FDFT1: variants seen among roughly 807,000 people sequenced by gnomAD.
FDFT1 encodes farnesyl-diphosphate farnesyltransferase 1.
Under a neutral mutation model 46.8 loss-of-function variants are expected in FDFT1, and 68 were observed. That is an observed-to-expected ratio of 1.45 (90% CI 1.19 to 1.78). FDFT1 has a LOEUF of 1.78. FDFT1 is among the 40% of genes most tolerant of loss of function. FDFT1 has a pLI of 0.00. For synonymous variants in FDFT1, 351 were observed against 185.1 expected (o/e 1.90, Z -7.28); for missense variants, 928 against 524.4 (o/e 1.77, Z -7.52).
upstream of FDFT1, chr8:11,802,635 A>C (rs914558298): frequency 6.7e-6 from 4 of 592,752 alleles, no homozygotes; most frequent in African/African-American, 5.7e-5. Context: ...AGCCCACCCC[A>C]CGAGGCCGCA....
At chr8:11,808,135 C>A in intron 1 of FDFT1, 1 of 473,404 alleles carries the variant, frequency 2.1e-6, no homozygotes, top group Non-Finnish European at 2.8e-6. Context: ...ATCAATTTAG[C>A]AGGATTCTTG....
rs753067078 is a variant in FDFT1, at chr8:11,838,497, A to C, written c.1142A>C (p.His381Pro). 2.7e-5 allele frequency: 43 copies of C among 1,606,914 alleles called. No individual in the cohort carries two copies. The highest frequency in any genetic ancestry group is 8.9e-5 in the South Asian group (8 of 90,246). ...AACTGTCAGCTGATTTCCCGAAGCC[A>C]CTACTCCCCCATCTACCTGTCGTTT... ...LPNCQLISRS[H>P]YSPIYLSFVM... is the part of the protein sequence containing the mutation. The change falls in exon 8 of 8, where the codon CAC (histidine) becomes CCC (proline). Residue 381 changes from histidine to proline, a missense_variant. His to Pro is a moderately conservative substitution (Grantham distance 77). Coordinates refer to ENST00000220584, the MANE Select transcript of FDFT1 (RefSeq NM_004462.5).
At chr8:11,834,312 T>G (rs1323166815) in intron 7 of FDFT1, among the ~76,000 whole-genome samples, 1 of 152,232 alleles carries the variant, frequency 6.6e-6, no homozygotes, top group Non-Finnish European at 1.5e-5. Context: ...CCAGCCTGGA[T>G]GCTTGTCAGC....
At chr8:11,816,586 C>G (rs1808486543) in intron 3 of FDFT1, among the ~76,000 whole-genome samples, 1 of 152,080 alleles carries the variant, frequency 6.6e-6, no homozygotes, top group African/African-American at 2.4e-5. Context: ...TCCTTCATAT[C>G]CCTTGTAAGT....
intron 1 of FDFT1, chr8:11,808,593 C>T: frequency 1.4e-6 from 2 of 1,389,722 alleles, no homozygotes; most frequent in Non-Finnish European, 9.3e-7. Flanking sequence ...CGCCGCGGCG[C>T]CCAGGGGCCC....
chr8:11,833,224 T>TCA (rs1399257629), intron 7 of FDFT1, among the ~76,000 whole-genome samples: 26 of 152,280 alleles, frequency 1.7e-4, no homozygotes, highest in African/African-American at 6.3e-4. Context: ...CTTACTTTGA[T>TCA]CTATGTGCCT....
intron 3 of FDFT1, among the ~76,000 whole-genome samples, chr8:11,814,088 A>T (rs1240314452): frequency 1.3e-5 from 2 of 152,206 alleles, no homozygotes; most frequent in Non-Finnish European, 2.9e-5. Context: ...ACCCTCATTG[A>T]CCTTTCCTCT....
chr8:11,813,684 G>A (rs1422847383), intron 3 of FDFT1, among the ~76,000 whole-genome samples: 1 of 152,142 alleles, frequency 6.6e-6, no homozygotes, highest in Non-Finnish European at 1.5e-5. Flanking sequence ...GTGGGATTTG[G>A]CCTTTCTCCA....
intron 1 of FDFT1, chr8:11,807,905 T>A (rs1807068082): frequency 6.6e-6 from 1 of 152,270 alleles, no homozygotes; most frequent in South Asian, 2.1e-4. Flanking sequence ...GAGACCTCGG[T>A]ACAGAACTGC....
intron 7 of FDFT1, among the ~76,000 whole-genome samples, chr8:11,835,997 A>G (rs1293323): frequency 6.8e-6 from 1 of 146,356 alleles, no homozygotes; most frequent in Admixed American, 6.8e-5. Context: ...AAAAAAAAAT[A>G]CAAAAGTTAG....
At chr8:11,796,951 T>G (rs1394684104) in intron 1 of FDFT1, among the ~76,000 whole-genome samples, 2 of 152,256 alleles carry the variant, frequency 1.3e-5, no homozygotes, top group East Asian at 3.8e-4. Flanking sequence ...TGAAAGCAGC[T>G]CAGGGCAGTT....
At chr8:11,800,416 C>T (rs569118442), upstream of FDFT1, among the ~76,000 whole-genome samples, 21 of 151,992 alleles carry the variant, frequency 1.4e-4, no homozygotes, top group African/African-American at 3.1e-4. Context: ...TAACCTGACT[C>T]GTCCACCCCA....
chr8:11,832,715 G>T (rs187591619), intron 7 of FDFT1, among the ~76,000 whole-genome samples: 1 of 152,008 alleles, frequency 6.6e-6, no homozygotes, highest in African/African-American at 2.4e-5. Flanking sequence ...TGTCCTAACC[G>T]GCAGGAATCG....
intron 1 of FDFT1, among the ~76,000 whole-genome samples, chr8:11,806,124 G>A (rs976753890): frequency 2.0e-5 from 3 of 152,182 alleles, no homozygotes; most frequent in Non-Finnish European, 4.4e-5. Flanking sequence ...CTTTCAGCCT[G>A]AGGCTGGAGC....
chr8:11,828,733 C>A (rs749398562), intron 5 of FDFT1, among the ~76,000 whole-genome samples: 3 of 152,216 alleles, frequency 2.0e-5, no homozygotes, highest in African/African-American at 7.2e-5. Flanking sequence ...AGTAAAGGTT[C>A]TGGACATTTC....
At chr8:11,815,161 T>A (rs1251594483) in intron 3 of FDFT1, among the ~76,000 whole-genome samples, 1 of 152,190 alleles carries the variant, frequency 6.6e-6, no homozygotes, top group Non-Finnish European at 1.5e-5. Context: ...GAATGATGAT[T>A]TCCAGCTTCA....
chr8:11,828,110 G>T (rs1029985003), intron 5 of FDFT1, among the ~76,000 whole-genome samples: 23 of 151,682 alleles, frequency 1.5e-4, no homozygotes, highest in African/African-American at 5.6e-4. Flanking sequence ...GCTGATGTGA[G>T]ACTCCATTTA....
At chr8:11,807,428 G>A (rs1276649698) in intron 1 of FDFT1, among the ~76,000 whole-genome samples, 1 of 152,214 alleles carries the variant, frequency 6.6e-6, no homozygotes, top group African/African-American at 2.4e-5. Flanking sequence ...CTTCCGAAGT[G>A]CAGGGATTAT....
intron 7 of FDFT1, among the ~76,000 whole-genome samples, chr8:11,837,475 A>G (rs1041268584): frequency 5.4e-4 from 82 of 152,268 alleles, no homozygotes; most frequent in African/African-American, 1.9e-3. Context: ...TAAGCAGTCT[A>G]CGTGCCTCAG....
Sources: gnomAD v4.1 joint callset for allele counts (sites outside exome capture counted in the v4.1 genomes callset) on GRCh38, gnomAD v4.1.1 for gene constraint, MANE v1.5 for transcripts, NCBI Gene and HGNC (gene_info 2026-07-23, HGNC 2026-07-21) for gene names.